The following SBNO1 variants were observed in gnomAD, a reference collection of about 807,000 sequenced individuals.
SBNO1 encodes protein strawberry notch homolog 1.
A neutral mutation model predicts 173.6 loss-of-function variants in SBNO1; 23 were observed. The ratio of observed to expected loss-of-function variants is 0.13; its 90% confidence interval spans 0.10 to 0.19. The LOEUF (loss-of-function observed/expected upper bound fraction) is 0.19. Ranked by LOEUF, SBNO1 falls within the 10% of genes least tolerant of loss-of-function variation. The pLI, the probability that SBNO1 is intolerant of heterozygous loss-of-function variation, is 1.00. For missense variants in SBNO1, 1,238 were observed against 1,671.2 expected, an observed-to-expected ratio of 0.74 and a Z score of 4.52; for synonymous variants, 632 against 571.5, an observed-to-expected ratio of 1.11 and a Z score of -1.51.
At chr12:123,321,493 A>C in intron 17 of SBNO1, 42 bp downstream of exon 17, 1 of 1,372,820 alleles carries the variant, frequency 7.3e-7, no homozygotes, top group Non-Finnish European at 1.0e-6. Context: ...AATATACTGA[A>C]ATATTATATG....
In SBNO1 at chr12:123,302,248, TTG is replaced by T. The variant is rs1491272497; in HGVS notation, c.3845+574_3845+575del. On this transcript the variant is annotated intron_variant, in intron 30 of 31. Transcript: ENST00000602398. ...ACACCTGGCCTTATTGTTTTTTTTTTTGTTTTTTTTTTTTAATGGAGTCTCGC... is the reference window on the plus strand; with the variant it reads ...ACACCTGGCCTTATTGTTTTTTTTTTTTTTTTTTTTTTAATGGAGTCTCGC... 4.8e-4 allele frequency among the ~76,000 whole-genome samples: 67 copies of T among 138,680 alleles called. 1 individual carries two copies. The highest frequency in any genetic ancestry group is 2.0e-3 in the Admixed American group (27 of 13,410). 91.0% of individuals were successfully genotyped at this position (138,680 alleles called of 152,430 possible). A position where few individuals can be genotyped will look rare whatever the true frequency, so the allele number is the denominator to read the frequency against.
intron 17 of SBNO1, among the ~76,000 whole-genome samples, chr12:123,321,282 T>C (rs552848535): frequency 2.6e-5 from 4 of 152,256 alleles, no homozygotes; most frequent in East Asian, 3.9e-4. Flanking sequence ...ACCACCTACA[T>C]TGGTTCATCC....
At chr12:123,357,508 T>A (rs924469488) in intron 1 of SBNO1, among the ~76,000 whole-genome samples, 3 of 151,826 alleles carry the variant, frequency 2.0e-5, no homozygotes, top group African/African-American at 7.3e-5. Flanking sequence ...TTTGGTAGGC[T>A]GAGGCAGGCG....
intron 30 of SBNO1, among the ~76,000 whole-genome samples, chr12:123,298,963 C>G (rs1172261402): frequency 6.6e-6 from 1 of 152,194 alleles, no homozygotes; most frequent in Non-Finnish European, 1.5e-5. Flanking sequence ...TGGCTCATGC[C>G]TGTAACCCCA....
At chr12:123,330,148 G>A (rs566098082) in intron 9 of SBNO1, among the ~76,000 whole-genome samples, 74 of 152,154 alleles carry the variant, frequency 4.9e-4, no homozygotes, top group Non-Finnish European at 6.6e-4. Flanking sequence ...GAATCAACTG[G>A]TGTGCACTGT....
chr12:123,322,983 C>A (rs954682561), intron 16 of SBNO1, among the ~76,000 whole-genome samples: 5 of 152,158 alleles, frequency 3.3e-5, no homozygotes, highest in African/African-American at 1.2e-4. Flanking sequence ...TACAAAGACA[C>A]AGGTTTTAGT....
chr12:123,330,986 G>A (rs551102067), intron 8 of SBNO1, among the ~76,000 whole-genome samples: 12 of 152,164 alleles, frequency 7.9e-5, no homozygotes, highest in Admixed American at 3.9e-4. Flanking sequence ...CCATTGAGAC[G>A]GAGTCGCACT....
chr12:123,297,106 T>A (rs1040309845), intron 31 of SBNO1, among the ~76,000 whole-genome samples: 1 of 149,010 alleles, frequency 6.7e-6, no homozygotes, highest in African/African-American at 2.5e-5. Context: ...ACGCCTATAA[T>A]CCCAGCACTT....
chr12:123,338,557 G>A (rs1949606608), intron 5 of SBNO1, among the ~76,000 whole-genome samples: 1 of 151,910 alleles, frequency 6.6e-6, no homozygotes, highest in Non-Finnish European at 1.5e-5. Flanking sequence ...GTAGTGGCGG[G>A]CGCCTGTAAT....
At position 123,296,069 on chromosome 12, in the gene SBNO1, A is replaced by C; in HGVS notation, c.4040-19T>G. On this transcript the variant is annotated intron_variant, in intron 31 of 31. Coordinates refer to ENST00000602398, the MANE Select transcript of SBNO1 (RefSeq NM_001167856.3). Reference sequence around the variant, plus strand: ...ATCAAACCTGTAATTAGTAACAAGAATTTATCAAGTTGTGTCCAGAAGAAA... The same window carrying C: ...ATCAAACCTGTAATTAGTAACAAGACTTTATCAAGTTGTGTCCAGAAGAAA... 5 of 1,560,740 alleles carry C rather than the reference A, an allele frequency of 3.2e-6. No individual in the cohort carries two copies.
At chr12:123,298,233 A>G (rs2048669352) in intron 30 of SBNO1, 62 bp from the exon 31 acceptor site, 2 of 1,455,888 alleles carry the variant, frequency 1.4e-6, no homozygotes, top group Non-Finnish European at 1.9e-6. Flanking sequence ...CACGTTTCTA[A>G]AAGATTTACA....
chr12:123,360,489 A>G (rs28733606), intron 1 of SBNO1, among the ~76,000 whole-genome samples: 144,868 of 152,048 alleles, frequency 0.95, 69,145 homozygotes, highest in Non-Finnish European at 0.96. Context: ...GTGTCGCCAA[A>G]GCTGGAGTGC....
intron 21 of SBNO1, among the ~76,000 whole-genome samples, chr12:123,315,955 T>TATGG (rs1869204609): frequency 6.6e-6 from 1 of 152,152 alleles, no homozygotes; most frequent in African/African-American, 2.4e-5. Flanking sequence ...AGGGAGGAGC[T>TATGG]ATGGGCCTTT....
intron 30 of SBNO1, among the ~76,000 whole-genome samples, chr12:123,300,532 C>T (rs530057766): frequency 3.9e-4 from 60 of 152,178 alleles, no homozygotes; most frequent in African/African-American, 1.4e-3. Flanking sequence ...TTGGCGGGTG[C>T]CTGTAGTCCC....
intron 30 of SBNO1, among the ~76,000 whole-genome samples, chr12:123,301,153 G>A (rs552725883): frequency 2.1e-4 from 32 of 151,960 alleles, no homozygotes; most frequent in African/African-American, 7.5e-4. Context: ...GATTACAGGC[G>A]TCTGCCACCA....
intron 24 of SBNO1, among the ~76,000 whole-genome samples, chr12:123,311,691 C>T (rs4759375): frequency 0.082 from 9,934 of 121,768 alleles, 625 homozygotes; most frequent in East Asian, 0.31. Flanking sequence ...AAACAAGTAA[C>T]CTATCTATCT....
intron 17 of SBNO1, 138 bp from the exon 18 acceptor site, chr12:123,321,004 A>G: frequency 1.6e-6 from 1 of 643,606 alleles, no homozygotes. Flanking sequence ...CAATGGCGCA[A>G]TCTCAGCTTA....
intron 21 of SBNO1, 29 bp from the exon 22 acceptor site, chr12:123,315,689 T>G: frequency 7.9e-7 from 1 of 1,259,058 alleles, no homozygotes; most frequent in South Asian, 1.2e-5. Context: ...TTAAAGATCA[T>G]TGATTGTGTT....
At chr12:123,350,525 ATC>A in intron 1 of SBNO1, 84 bp from the exon 2 acceptor site, 1 of 1,080,200 alleles carries the variant, frequency 9.3e-7, no homozygotes, top group Non-Finnish European at 1.4e-6. Context: ...CAATCCAACA[ATC>A]TCTATTAGAC....
Sources: allele counts gnomAD v4.1 joint callset (sites outside exome capture counted in the v4.1 genomes callset), GRCh38; gene constraint gnomAD v4.1.1; transcripts MANE v1.5; gene names NCBI Gene and HGNC (gene_info 2026-07-23, HGNC 2026-07-21).